PIK3CB: variants seen among roughly 807,000 people sequenced by gnomAD.
The protein encoded by PIK3CB is phosphatidylinositol 4,5-bisphosphate 3-kinase catalytic subunit beta isoform.
A neutral mutation model predicts 136.8 loss-of-function variants in PIK3CB; 39 were observed. That is an observed-to-expected ratio of 0.29 (90% confidence interval 0.22 to 0.37). The LOEUF is 0.37. Ranked by LOEUF, PIK3CB falls within the 10% of genes least tolerant of loss-of-function variation. PIK3CB has a pLI of 1.00. For synonymous variants in PIK3CB, 428 were observed against 436.6 expected (o/e 0.98, Z 0.25); for missense variants, 868 against 1,275.4 (o/e 0.68, Z 4.87).
At chr3:138,815,367 A>C (rs1008219464) in intron 1 of PIK3CB, among the ~76,000 whole-genome samples, 3 of 143,728 alleles carry the variant, frequency 2.1e-5, no homozygotes, top group African/African-American at 5.1e-5. Context: ...AAAAAAAAAA[A>C]AAAAAAAACT....
At chr3:138,719,246 T>C (rs2044676039) in intron 8 of PIK3CB, among the ~76,000 whole-genome samples, 1 of 129,786 alleles carries the variant, frequency 7.7e-6, no homozygotes, top group African/African-American at 3.1e-5. Context: ...TTTTTTTTTT[T>C]TTTTTTTTTT....
At chr3:138,695,069 T>C (rs2044106759) in intron 13 of PIK3CB, among the ~76,000 whole-genome samples, 162 bp from the exon 14 acceptor site, 1 of 152,174 alleles carries the variant, frequency 6.6e-6, no homozygotes, top group African/African-American at 2.4e-5. Context: ...TAATAAAGAT[T>C]GTCTTTGTTG....
chr3:138,808,750 CTA>C (rs1004136290), intron 1 of PIK3CB, among the ~76,000 whole-genome samples: 6 of 150,132 alleles, frequency 4.0e-5, no homozygotes, highest in Non-Finnish European at 5.9e-5. Flanking sequence ...CTCTCTCTCT[CTA>C]TATATATATA....
intron 1 of PIK3CB, among the ~76,000 whole-genome samples, chr3:138,797,628 A>T (rs757116431): frequency 2.0e-5 from 3 of 152,222 alleles, no homozygotes; most frequent in Non-Finnish European, 1.5e-5. Flanking sequence ...TTCCAAAAGT[A>T]AGAAAATTGG....
Position 138,655,260 on chromosome 3 carries a change from A to T in PIK3CB, c.*129T>A. On this transcript the variant is annotated 3_prime_UTR_variant, in exon 24 of 24. Transcript: ENST00000674063. ...AGGTTCTGTGGGATGCCTTGTTCTT[A>T]ATTTAACTCTGAGTTCCAGGATTTC... The T allele has an allele frequency of 1.1e-6, 1 of 897,066 alleles. No individual in the cohort carries two copies. Among genetic ancestry groups the T allele is most frequent in the Non-Finnish European group, 1.7e-6 (1 of 582,224 alleles). 55.6% of individuals were successfully genotyped at this position (897,066 alleles called of 1,614,324 possible).
intron 8 of PIK3CB, among the ~76,000 whole-genome samples, chr3:138,724,179 A>G (rs2044789307): frequency 6.6e-6 from 1 of 152,196 alleles, no homozygotes; most frequent in Non-Finnish European, 1.5e-5. Context: ...CTTGTGATCA[A>G]TCAAGGGTTC....
In PIK3CB at chr3:138,742,562, C is replaced by A; in HGVS notation, c.617G>T (p.Cys206Phe). ...CTTAAAAAAATATAATCCTACCTGGCAGTTTTCAAAATGAACAGCTACGAT... is the reference window on the plus strand; with the variant it reads ...CTTAAAAAAATATAATCCTACCTGGAAGTTTTCAAAATGAACAGCTACGAT... ...KLIVAVHFEN[C>F]QDVFSFQVSP... Residue 206 changes from cysteine (C) to phenylalanine (F), a missense_variant, in exon 5 of 24, where the codon TGC (cysteine) becomes TTC (phenylalanine). Cys to Phe is a radical substitution (Grantham distance 205). Around this residue, in one of 4 missense-constraint regions of PIK3CB, gnomAD observed 612 missense variants for 801.1 expected, o/e 0.76. Transcript: ENST00000674063. 2 of 1,431,640 alleles carry A rather than the reference C, an allele frequency of 1.4e-6. No individual in the cohort carries two copies. Among genetic ancestry groups the A allele is most frequent in the Non-Finnish European group, 9.7e-7 (1 of 1,028,924 alleles). 88.7% of individuals were successfully genotyped at this position (1,431,640 alleles called of 1,614,324 possible). A position where few individuals can be genotyped will look rare whatever the true frequency, so the allele number is the denominator to read the frequency against.
chr3:138,712,826 T>TAAAA (rs1255649621), intron 9 of PIK3CB, among the ~76,000 whole-genome samples: 1 of 152,118 alleles, frequency 6.6e-6, no homozygotes, highest in Non-Finnish European at 1.5e-5. Flanking sequence ...CTAAGCCTCT[T>TAAAA]AAAGTGTTGG....
intron 2 of PIK3CB, among the ~76,000 whole-genome samples, chr3:138,784,715 T>C (rs1222659522): frequency 5.3e-5 from 8 of 152,066 alleles, no homozygotes; most frequent in Non-Finnish European, 1.2e-4. Context: ...GCAGACGGAG[T>C]CTCGCTCACT....
chr3:138,663,216 A>G (rs1577043206), intron 21 of PIK3CB, among the ~76,000 whole-genome samples: 1 of 152,216 alleles, frequency 6.6e-6, no homozygotes, highest in Non-Finnish European at 1.5e-5. Context: ...TTTACAAGAA[A>G]AAAACAAACA....
rs1373076902 is a variant in PIK3CB, at chr3:138,705,166, A to C, written c.1531-673T>G. ...AGAGATTAGAAAGGCAAAAAAAAAAAAAAAAAACAAAAAACAAAACAAACA... is the reference window on the plus strand; with the variant it reads ...AGAGATTAGAAAGGCAAAAAAAAAACAAAAAAACAAAAAACAAAACAAACA... On this transcript the variant is annotated intron_variant, in intron 11 of 23. Transcript: ENST00000674063. Among the ~76,000 whole-genome samples the C allele has an allele frequency of 3.1e-5, 3 of 97,822 alleles. 1 individual carries two copies. Among genetic ancestry groups the C allele is most frequent in the South Asian group, 3.3e-4 (1 of 3,066 alleles). The allele number at this position is 97,822 out of a possible 152,430, so 64.2% of individuals were successfully genotyped here.
intron 2 of PIK3CB, among the ~76,000 whole-genome samples, chr3:138,788,175 G>A (rs1368142593): frequency 6.6e-6 from 1 of 151,506 alleles, no homozygotes; most frequent in African/African-American, 2.4e-5. Flanking sequence ...TGCCCGCCTT[G>A]GCCTCCCAAA....
At chr3:138,746,848 C>A (rs1342430153) in intron 4 of PIK3CB, among the ~76,000 whole-genome samples, 1 of 150,582 alleles carries the variant, frequency 6.6e-6, no homozygotes, top group Non-Finnish European at 1.5e-5. Flanking sequence ...CAATCCTGCA[C>A]CCACATACAA....
At chr3:138,697,905 G>A (rs542888284) in intron 13 of PIK3CB, among the ~76,000 whole-genome samples, 1 of 152,046 alleles carries the variant, frequency 6.6e-6, no homozygotes, top group African/African-American at 2.4e-5. Flanking sequence ...GCTAATGTTT[G>A]TATTTTTTGT....
intron 8 of PIK3CB, among the ~76,000 whole-genome samples, chr3:138,732,825 C>T (rs540251756): frequency 2.6e-5 from 4 of 151,246 alleles, no homozygotes; most frequent in African/African-American, 9.7e-5. Flanking sequence ...ATAGTTTTGG[C>T]TTAACTTTCA....
intron 3 of PIK3CB, among the ~76,000 whole-genome samples, chr3:138,758,796 C>T (rs2197387): frequency 0.5 from 75,500 of 151,914 alleles, 21,095 homozygotes; most frequent in East Asian, 0.98. Flanking sequence ...ACTAATGCAA[C>T]AGAAAAGGCA....
At chr3:138,738,659 T>C (rs746434603) in intron 5 of PIK3CB, among the ~76,000 whole-genome samples, 13 of 152,174 alleles carry the variant, frequency 8.5e-5, no homozygotes, top group East Asian at 1.9e-4. Flanking sequence ...GGAATCGATA[T>C]AGCATTACCA....
chr3:138,804,200 G>GA (rs1202345178), intron 1 of PIK3CB, among the ~76,000 whole-genome samples: 3 of 151,810 alleles, frequency 2.0e-5, no homozygotes, highest in South Asian at 2.1e-4. Context: ...CTCTTATAGA[G>GA]AAAAAATACA....
At chr3:138,723,275 GCA>G in intron 8 of PIK3CB, among the ~76,000 whole-genome samples, 1 of 152,188 alleles carries the variant, frequency 6.6e-6, no homozygotes, top group East Asian at 1.9e-4. Flanking sequence ...TTAAAACCTG[GCA>G]CAGTGGCTCA....
Sources: allele counts gnomAD v4.1 joint callset (sites outside exome capture counted in the v4.1 genomes callset), GRCh38; gene constraint gnomAD v4.1.1; regional missense constraint gnomAD v4.1.1; transcripts MANE v1.5; gene names NCBI Gene and HGNC (gene_info 2026-07-23, HGNC 2026-07-21).